The following SLC16A10 variants were observed in gnomAD, a reference collection of about 807,000 sequenced individuals.
The protein encoded by SLC16A10 is monocarboxylate transporter 10.
A neutral mutation model predicts 40.0 loss-of-function variants in SLC16A10; 27 were observed. The ratio of observed to expected loss-of-function variants is 0.67; its 90% CI spans 0.50 to 0.93. The LOEUF (loss-of-function observed/expected upper bound fraction) is 0.93. Ranked by LOEUF, SLC16A10 falls within the 40% of genes least tolerant of loss-of-function variation. The probability of loss-of-function intolerance (pLI) is 0.00; values close to 1 mark genes in which losing one functional copy is unlikely to be tolerated. For missense variants in SLC16A10, 529 were observed against 658.2 expected, an observed-to-expected ratio of 0.80 and a Z score of 2.15; for synonymous variants, 213 against 249.8, an observed-to-expected ratio of 0.85 and a Z score of 1.39.
rs1430242756 is a variant in SLC16A10 at position 111,147,314 on chromosome 6, A to ATTT, written c.344-25380_344-25378dup. 2.6e-3 allele frequency among the ~76,000 whole-genome samples: 389 copies of ATTT among 152,330 alleles called. 2 individuals are homozygous for ATTT. The highest frequency in any genetic ancestry group is 8.8e-3 in the African/African-American group (368 of 41,582). ...TATAAAGTATTTATAGCCAAATTTG[A>ATTT]TTTACTTCTAAAATGTCTTATTAAA... On this transcript the variant is annotated intron_variant, in intron 1 of 5. Transcript: ENST00000368851.
chr6:111,151,522 G>A (rs1772172682), intron 1 of SLC16A10, among the ~76,000 whole-genome samples: 1 of 152,088 alleles, frequency 6.6e-6, no homozygotes, highest in South Asian at 2.1e-4. Context: ...TTTGTCACTT[G>A]CAGCAGCCTT....
chr6:111,105,831 G>A (rs577392350), intron 1 of SLC16A10, among the ~76,000 whole-genome samples: 1 of 152,336 alleles, frequency 6.6e-6, no homozygotes, highest in African/African-American at 2.4e-5. Flanking sequence ...CCAGCTGAAG[G>A]TGCTGGAAGT....
chr6:111,216,527 C>T (rs1298851295), intron 4 of SLC16A10, among the ~76,000 whole-genome samples: 1 of 151,288 alleles, frequency 6.6e-6, no homozygotes, highest in Non-Finnish European at 1.5e-5. Context: ...CCTCAGCCTC[C>T]GAGTAACTGG....
intron 1 of SLC16A10, among the ~76,000 whole-genome samples, chr6:111,122,623 T>C (rs1383335101): frequency 6.6e-6 from 1 of 152,238 alleles, no homozygotes; most frequent in Non-Finnish European, 1.5e-5. Context: ...TATCGGGTTC[T>C]TATGTTCAGC....
chr6:111,211,263 A>G (rs566684909), intron 4 of SLC16A10, among the ~76,000 whole-genome samples: 2 of 152,294 alleles, frequency 1.3e-5, no homozygotes, highest in Non-Finnish European at 2.9e-5. Flanking sequence ...ATTCCAAAAC[A>G]ATGTTTGAAC....
At chr6:111,131,523 G>A (rs1771782606) in intron 1 of SLC16A10, among the ~76,000 whole-genome samples, 1 of 152,152 alleles carries the variant, frequency 6.6e-6, no homozygotes, top group Non-Finnish European at 1.5e-5. Flanking sequence ...AGTAATATGG[G>A]ACCACTTTTG....
chr6:111,137,964 A>G (rs1329630579), intron 1 of SLC16A10, among the ~76,000 whole-genome samples: 2 of 152,238 alleles, frequency 1.3e-5, no homozygotes, highest in African/African-American at 4.8e-5. Context: ...GGGAGGGACA[A>G]TGATCAGGAT....
At chr6:111,169,428 A>C (rs1772541777) in intron 1 of SLC16A10, among the ~76,000 whole-genome samples, 1 of 152,230 alleles carries the variant, frequency 6.6e-6, no homozygotes, top group Non-Finnish European at 1.5e-5. Flanking sequence ...AATTAGCTTC[A>C]AACATCAGCA....
chr6:111,173,895 C>T (rs780613009), intron 2 of SLC16A10, among the ~76,000 whole-genome samples: 14 of 152,176 alleles, frequency 9.2e-5, no homozygotes, highest in Non-Finnish European at 1.9e-4. Context: ...TAACCGCCCT[C>T]CCCCGGCACC....
intron 1 of SLC16A10, among the ~76,000 whole-genome samples, chr6:111,097,306 A>C (rs562651233): frequency 1.3e-5 from 2 of 151,744 alleles, no homozygotes; most frequent in Admixed American, 1.3e-4. Context: ...TTATTTTTTA[A>C]ATTTTTATTT....
chr6:111,213,794 C>G (rs533273665), intron 4 of SLC16A10, among the ~76,000 whole-genome samples: 1 of 152,332 alleles, frequency 6.6e-6, no homozygotes, highest in Admixed American at 6.5e-5. Flanking sequence ...TCAGAAGAAT[C>G]CAGCCACCTG....
intron 1 of SLC16A10, among the ~76,000 whole-genome samples, chr6:111,091,002 G>A (rs994976739): frequency 2.0e-5 from 3 of 152,080 alleles, no homozygotes; most frequent in African/African-American, 7.2e-5. Flanking sequence ...ATGATGGTGC[G>A]CATTTCTTGA....
chr6:111,194,310 C>G (rs55648737), intron 3 of SLC16A10, among the ~76,000 whole-genome samples: 2,173 of 152,186 alleles, frequency 0.014, 50 homozygotes, highest in African/African-American at 0.05. Context: ...AGTTAAGAGA[C>G]TTTCTCAGGT....
At chr6:111,140,108 A>G (rs1771954796) in intron 1 of SLC16A10, among the ~76,000 whole-genome samples, 1 of 152,148 alleles carries the variant, frequency 6.6e-6, no homozygotes, top group African/African-American at 2.4e-5. Context: ...CCCCTGTGAC[A>G]CATGTTTATC....
At chr6:111,131,249 G>A (rs995862669) in intron 1 of SLC16A10, among the ~76,000 whole-genome samples, 5 of 152,216 alleles carry the variant, frequency 3.3e-5, no homozygotes, top group East Asian at 1.9e-4. Flanking sequence ...GCCCATTGCC[G>A]CTCCCAATCG....
intron 1 of SLC16A10, among the ~76,000 whole-genome samples, chr6:111,138,819 C>T (rs889950569): frequency 1.3e-5 from 2 of 152,058 alleles, no homozygotes; most frequent in Non-Finnish European, 2.9e-5. Flanking sequence ...TTCCTTAGTT[C>T]CTTCCTAGCT....
chr6:111,106,382 A>G (rs887170034), intron 1 of SLC16A10, among the ~76,000 whole-genome samples: 3 of 152,140 alleles, frequency 2.0e-5, no homozygotes, highest in African/African-American at 7.2e-5. Context: ...TATTTTTTGT[A>G]CTTTGATTAG....
chr6:111,098,042 A>C (rs1236484169), intron 1 of SLC16A10, among the ~76,000 whole-genome samples: 1 of 152,138 alleles, frequency 6.6e-6, no homozygotes, highest in Non-Finnish European at 1.5e-5. Context: ...GCCGTGGCTC[A>C]TGCCTGTAAA....
chr6:111,153,907 C>G (rs1174110851), intron 1 of SLC16A10, among the ~76,000 whole-genome samples: 3 of 152,104 alleles, frequency 2.0e-5, no homozygotes, highest in Non-Finnish European at 4.4e-5. Context: ...CAGCCACCAC[C>G]CATATGGTTT....
Sources: gnomAD v4.1 joint callset for allele counts (sites outside exome capture counted in the v4.1 genomes callset) on GRCh38, gnomAD v4.1.1 for gene constraint, MANE v1.5 for transcripts, NCBI Gene and HGNC (gene_info 2026-07-23, HGNC 2026-07-21) for gene names.